Variants in LHFPL3 observed in about 807,000 individuals in gnomAD.
LHFPL3 encodes LHFPL tetraspan subfamily member 3 protein.
Under a neutral mutation model 19.3 loss-of-function variants are expected in LHFPL3, and 5 were observed. That is an observed-to-expected ratio of 0.26 (90% CI 0.14 to 0.54). The LOEUF (loss-of-function observed/expected upper bound fraction) is 0.54. LHFPL3 is among the 20% of genes least tolerant of loss of function. The pLI, the probability that LHFPL3 is intolerant of heterozygous loss-of-function variation, is 0.94. For synonymous variants in LHFPL3, 133 were observed against 126.2 expected, an observed-to-expected ratio of 1.05 and a Z score of -0.36; for missense variants, 249 against 307.4, an observed-to-expected ratio of 0.81 and a Z score of 1.42.
intron 1 of LHFPL3, among the ~76,000 whole-genome samples, chr7:104,331,606 C>A (rs562539287): frequency 6.6e-6 from 1 of 152,216 alleles, no homozygotes; most frequent in South Asian, 2.1e-4. Context: ...AAAATTAAGT[C>A]TCATTATACT....
chr7:104,810,563 G>A (rs980824805), intron 2 of LHFPL3, among the ~76,000 whole-genome samples: 14 of 152,188 alleles, frequency 9.2e-5, no homozygotes, highest in Admixed American at 7.9e-4. Flanking sequence ...CAGTGGGGTA[G>A]CAAGCTCGGG....
At chr7:104,739,649 A>C (rs897742766) in intron 2 of LHFPL3, among the ~76,000 whole-genome samples, 1 of 152,132 alleles carries the variant, frequency 6.6e-6, no homozygotes, top group Non-Finnish European at 1.5e-5. Flanking sequence ...TTCTGATAAA[A>C]CTACTGAGAT....
chr7:104,881,169 C>CAA (rs60361178), intron 2 of LHFPL3, among the ~76,000 whole-genome samples: 16 of 91,470 alleles, frequency 1.7e-4, no homozygotes, highest in African/African-American at 3.3e-4. Context: ...GATTCCATCT[C>CAA]AAAAAAAAAA....
intron 1 of LHFPL3, among the ~76,000 whole-genome samples, chr7:104,564,230 T>C (rs886259003): frequency 1.1e-4 from 16 of 152,310 alleles, no homozygotes; most frequent in Non-Finnish European, 2.1e-4. Flanking sequence ...ATGGGTTCTA[T>C]TACCACTGCT....
chr7:104,862,254 G>A (rs887902428), intron 2 of LHFPL3, among the ~76,000 whole-genome samples: 2 of 152,098 alleles, frequency 1.3e-5, no homozygotes, highest in Middle Eastern at 3.2e-3. Context: ...ACAGACCAAG[G>A]CTAGTTAGAA....
intron 1 of LHFPL3, among the ~76,000 whole-genome samples, chr7:104,526,397 C>T (rs1182936917): frequency 2.6e-5 from 4 of 152,204 alleles, no homozygotes; most frequent in Non-Finnish European, 4.4e-5. Context: ...AATATAGGGG[C>T]TGGCAGAAAA....
intron 2 of LHFPL3, among the ~76,000 whole-genome samples, chr7:104,791,744 G>A (rs78867553): frequency 6.6e-6 from 1 of 152,238 alleles, no homozygotes; most frequent in Non-Finnish European, 1.5e-5. Context: ...GAAACTAAGG[G>A]ATACATTTCC....
At chr7:104,852,531 G>C (rs1192805851) in intron 2 of LHFPL3, among the ~76,000 whole-genome samples, 3 of 152,244 alleles carry the variant, frequency 2.0e-5, no homozygotes, top group African/African-American at 7.2e-5. Context: ...GAATAGGCCA[G>C]GCTGGCCATG....
intron 2 of LHFPL3, among the ~76,000 whole-genome samples, chr7:104,746,393 A>T (rs566884414): frequency 6.6e-6 from 1 of 151,374 alleles, no homozygotes; most frequent in African/African-American, 2.4e-5. Flanking sequence ...GGAATGAAAA[A>T]CTCCCCAGGA....
intron 1 of LHFPL3, among the ~76,000 whole-genome samples, chr7:104,589,580 T>C (rs926608681): frequency 6.6e-6 from 1 of 152,274 alleles, no homozygotes; most frequent in East Asian, 1.9e-4. Flanking sequence ...TCTCTTTTTT[T>C]GTTGTGTCTC....
chr7:104,639,969 T>C (rs986016985), intron 1 of LHFPL3, among the ~76,000 whole-genome samples: 1 of 152,168 alleles, frequency 6.6e-6, no homozygotes, highest in African/African-American at 2.4e-5. Context: ...GATGGCAAAA[T>C]GGGGCTCATT....
intron 1 of LHFPL3, among the ~76,000 whole-genome samples, chr7:104,478,580 T>G (rs12705219): frequency 0.56 from 84,921 of 151,970 alleles, 24,162 homozygotes; most frequent in African/African-American, 0.61. Flanking sequence ...GCTTATCCTT[T>G]CACTTCTGCT....
chr7:104,347,071 G>T (rs1464536250), intron 1 of LHFPL3, among the ~76,000 whole-genome samples: 2 of 151,550 alleles, frequency 1.3e-5, no homozygotes, highest in African/African-American at 4.9e-5. Context: ...ATTAAAAATA[G>T]TACCTATCTC....
chr7:104,365,801 A>AAAAG (rs1790482202), intron 1 of LHFPL3, among the ~76,000 whole-genome samples: 1 of 142,258 alleles, frequency 7.0e-6, no homozygotes, highest in African/African-American at 2.6e-5. Context: ...AAAAAAAAAA[A>AAAAG]AAAAGAAAAG....
rs148547013 is a variant in LHFPL3 at position 104,801,017 on chromosome 7, C to G, written c.682+64106C>G. 6.2e-3 allele frequency among the ~76,000 whole-genome samples: 941 copies of G among 152,260 alleles called. 5 individuals are homozygous for G. The highest frequency in any genetic ancestry group is 0.017 in the Middle Eastern group (5 of 294). ...GAGGGAGGTGATCAGGCATATGGGA[C>G]TAAGAATATGTTTCCAGTTTCCCAA... On this transcript the variant is annotated intron_variant, in intron 2 of 2. Coordinates refer to ENST00000424859, the MANE Select transcript of LHFPL3 (RefSeq NM_199000.3).
intron 2 of LHFPL3, among the ~76,000 whole-genome samples, chr7:104,785,994 A>G (rs1204261010): frequency 6.6e-6 from 1 of 152,112 alleles, no homozygotes; most frequent in Non-Finnish European, 1.5e-5. Context: ...CCTCTGCACA[A>G]TGCCCTTCTG....
intron 1 of LHFPL3, among the ~76,000 whole-genome samples, chr7:104,594,193 A>T (rs903707759): frequency 2.6e-5 from 4 of 152,144 alleles, no homozygotes; most frequent in African/African-American, 9.7e-5. Context: ...CTTTCCATGT[A>T]TAGTGCTTCC....
At chr7:104,686,116 A>C (rs1284353308) in intron 1 of LHFPL3, among the ~76,000 whole-genome samples, 1 of 152,192 alleles carries the variant, frequency 6.6e-6, no homozygotes, top group African/African-American at 2.4e-5. Flanking sequence ...GGATGGTTGA[A>C]GGTAGTAAGG....
intron 1 of LHFPL3, among the ~76,000 whole-genome samples, chr7:104,556,587 A>C (rs1486885499): frequency 6.6e-6 from 1 of 151,608 alleles, no homozygotes; most frequent in Middle Eastern, 3.2e-3. Flanking sequence ...TTCCTCCTAA[A>C]CCTCCACTTC....
Sources: allele counts gnomAD v4.1 joint callset (sites outside exome capture counted in the v4.1 genomes callset), GRCh38; gene constraint gnomAD v4.1.1; transcripts MANE v1.5; gene names NCBI Gene and HGNC (gene_info 2026-07-23, HGNC 2026-07-21).